The following TAS2R1 variants were observed in gnomAD, a reference collection of about 807,000 sequenced individuals.
TAS2R1 encodes taste 2 receptor member 1, also known as taste receptor type 2 member 1.
For synonymous variants in TAS2R1, 141 were observed against 134.2 expected (o/e 1.05, Z -0.35); for missense variants, 370 against 353.4 (o/e 1.05, Z -0.38).
At chr5:9,873,331 T>C in the TAS2R1 span, among the ~76,000 whole-genome samples, 1 of 151,738 alleles carries the variant, frequency 6.6e-6, no homozygotes. Context: ...ACCCCAAGCA[T>C]CTGGTCTGAT....
the TAS2R1 span, chr5:9,854,352 C>T: frequency 6.6e-6 from 1 of 152,004 alleles, no homozygotes; most frequent in Non-Finnish European, 1.5e-5. Flanking sequence ...ACATCTACAA[C>T]AACCTAATTT....
the TAS2R1 span, among the ~76,000 whole-genome samples, chr5:9,823,591 A>C: frequency 3.2e-5 from 4 of 123,768 alleles, no homozygotes; most frequent in African/African-American, 1.2e-4. Flanking sequence ...GGGAAAAAGG[A>C]GGGGAGGGGA....
chr5:9,768,173 T>C, the TAS2R1 span, among the ~76,000 whole-genome samples: 1 of 151,686 alleles, frequency 6.6e-6, no homozygotes, highest in Non-Finnish European at 1.5e-5. Context: ...GACTGTGCAC[T>C]CTCTCTGTCT....
At chr5:9,679,203 G>GTTTC (rs1740947107) in intron 1 of TAS2R1, among the ~76,000 whole-genome samples, 1 of 152,210 alleles carries the variant, frequency 6.6e-6, no homozygotes, top group Non-Finnish European at 1.5e-5. Context: ...AGGGGACAGG[G>GTTTC]GGAAAGGAAG....
chr5:9,733,034 A>G, the TAS2R1 span, among the ~76,000 whole-genome samples: 1 of 152,216 alleles, frequency 6.6e-6, no homozygotes, highest in Non-Finnish European at 1.5e-5. Context: ...TAGATCTTAA[A>G]CACATCTGCA....
At chr5:9,654,261 C>CT (rs1174265215) in intron 2 of TAS2R1, among the ~76,000 whole-genome samples, 1 of 152,000 alleles carries the variant, frequency 6.6e-6, no homozygotes, top group African/African-American at 2.4e-5. Flanking sequence ...ATACCTAGTG[C>CT]TTTTTTAAAA....
intron 2 of TAS2R1, among the ~76,000 whole-genome samples, chr5:9,657,366 T>G (rs528215840): frequency 6.6e-6 from 1 of 152,322 alleles, no homozygotes; most frequent in Non-Finnish European, 1.5e-5. Context: ...AGCAATTAGC[T>G]TAGTTAGATC....
At chr5:9,712,054 G>C (rs1734692608) in intron 1 of TAS2R1, 1 of 114,348 alleles carries the variant, frequency 8.7e-6, no homozygotes, top group Non-Finnish European at 1.9e-5. Context: ...GAGGGAGGGA[G>C]GGAGGGAATA....
At chr5:9,652,789 T>A (rs1001668514) in intron 2 of TAS2R1, among the ~76,000 whole-genome samples, 1 of 152,196 alleles carries the variant, frequency 6.6e-6, no homozygotes, top group African/African-American at 2.4e-5. Context: ...ACAGAGGTAA[T>A]CCTTATCTCA....
rs1554052289 is a variant in TAS2R1 at position 9,640,511 on chromosome 5, A to AAAC, written c.-80-10520_-80-10519insGTT. Among the ~76,000 whole-genome samples the AAAC allele has an allele frequency of 2.0e-5, 3 of 150,578 alleles. No individual in the cohort carries two copies. The South Asian group carries it at 6.3e-4, about 32-fold the overall frequency. On this transcript the variant is annotated intron_variant, in intron 2 of 2. Coordinates refer to the TAS2R1 transcript ENST00000506620. ...CTTCAATTCCTTAAAAAAAAAAAAA[A>AAAC]AAAAAAAAAAACAGTACCTGTAAAG...
chr5:9,697,552 A>G (rs1333194987), intron 1 of TAS2R1, among the ~76,000 whole-genome samples: 2 of 152,194 alleles, frequency 1.3e-5, no homozygotes, highest in African/African-American at 4.8e-5. Context: ...ACTATTCATG[A>G]AAAAATAATC....
chr5:9,820,476 T>C, the TAS2R1 span, among the ~76,000 whole-genome samples: 1 of 152,298 alleles, frequency 6.6e-6, no homozygotes, highest in South Asian at 2.1e-4. Context: ...CTACAGTACA[T>C]CAATTTCATA....
At chr5:9,669,348 A>T (rs762045066) in intron 1 of TAS2R1, among the ~76,000 whole-genome samples, 2 of 152,214 alleles carry the variant, frequency 1.3e-5, no homozygotes, top group African/African-American at 2.4e-5. Context: ...TATTAGACAG[A>T]TCATCAAGGC....
At chr5:9,800,091 C>T in the TAS2R1 span, among the ~76,000 whole-genome samples, 1 of 152,148 alleles carries the variant, frequency 6.6e-6, no homozygotes, top group South Asian at 2.1e-4. Flanking sequence ...GGCCTACCTC[C>T]TATAACTCCT....
chr5:9,809,548 C>T, the TAS2R1 span, among the ~76,000 whole-genome samples: 37 of 152,164 alleles, frequency 2.4e-4, no homozygotes, highest in Middle Eastern at 3.4e-3. Flanking sequence ...CTCACCAGAA[C>T]CCAATCATGG....
At chr5:9,740,453 C>G in the TAS2R1 span, among the ~76,000 whole-genome samples, 1 of 152,140 alleles carries the variant, frequency 6.6e-6, no homozygotes, top group African/African-American at 2.4e-5. Context: ...ATAAAAGGCA[C>G]CATGGTGTAG....
In TAS2R1 at chr5:9,707,016, G is replaced by A. The variant is rs1227888599; in HGVS notation, c.-242+5156C>T. Among the ~76,000 whole-genome samples the A allele has an allele frequency of 3.9e-5, 6 of 152,142 alleles. No individual in the cohort carries two copies. The South Asian group carries it at 6.2e-4, about 16-fold the overall frequency. On this transcript the variant is annotated intron_variant, in intron 1 of 2. Coordinates refer to the TAS2R1 transcript ENST00000506620. ...CACACACATATTTATTAGTTACTCA[G>A]CTTACTCTTGCCTCAGGATAGAGAT...
the TAS2R1 span, among the ~76,000 whole-genome samples, chr5:9,773,316 T>A: frequency 6.6e-6 from 1 of 151,756 alleles, no homozygotes; most frequent in Non-Finnish European, 1.5e-5. Flanking sequence ...TTTAACTTCA[T>A]CCTCTCTCTT....
chr5:9,710,923 T>A (rs1384427379), intron 1 of TAS2R1, among the ~76,000 whole-genome samples: 2 of 146,058 alleles, frequency 1.4e-5, no homozygotes, highest in African/African-American at 5.0e-5. Flanking sequence ...ATTATATATA[T>A]TATATATATA....
Sources: allele counts gnomAD v4.1 joint callset (sites outside exome capture counted in the v4.1 genomes callset), GRCh38; gene constraint gnomAD v4.1.1; transcripts MANE v1.5; gene names NCBI Gene and HGNC (gene_info 2026-07-23, HGNC 2026-07-21).